Variants in ABTB3 observed in about 807,000 individuals in gnomAD.
The protein encoded by ABTB3 is ankyrin repeat- and BTB/POZ domain-containing protein 3.
chr12:107,552,112 G>A, the ABTB3 span, among the ~76,000 whole-genome samples: 2 of 152,138 alleles, frequency 1.3e-5, no homozygotes, highest in African/African-American at 4.8e-5. Flanking sequence ...AGTAGTTTTT[G>A]CCCCAGTTAT....
chr12:107,411,538 A>G, the ABTB3 span, among the ~76,000 whole-genome samples: 1 of 152,196 alleles, frequency 6.6e-6, no homozygotes, highest in Non-Finnish European at 1.5e-5. Context: ...AATAAATATT[A>G]GTGTCCCCCT....
At chr12:107,651,814 C>T in the ABTB3 span, 6 of 1,584,854 alleles carry the variant, frequency 3.8e-6, no homozygotes, top group African/African-American at 2.7e-5. Flanking sequence ...TCGCGCAGTG[C>T]GCACACAGGA....
chr12:107,469,249 G>A, the ABTB3 span, among the ~76,000 whole-genome samples: 1 of 152,170 alleles, frequency 6.6e-6, no homozygotes. Context: ...TGGGTGGTTG[G>A]CTCCCAAAAC....
At chr12:107,521,263 TTGTGTGTGTGTGTGTGTG>T in the ABTB3 span, among the ~76,000 whole-genome samples, 4 of 142,864 alleles carry the variant, frequency 2.8e-5, no homozygotes, top group Non-Finnish European at 6.1e-5. Context: ...TTCATATAAG[TTGTGTGTGTGTGTGTGTG>T]TGTGTGTGTG....
At chr12:107,599,547 C>T in the ABTB3 span, among the ~76,000 whole-genome samples, 2 of 152,188 alleles carry the variant, frequency 1.3e-5, no homozygotes. Flanking sequence ...GAAAGGCTGG[C>T]GACTTGGTCC....
chr12:107,412,778 T>G, the ABTB3 span, among the ~76,000 whole-genome samples: 9 of 151,888 alleles, frequency 5.9e-5, no homozygotes, highest in African/African-American at 2.2e-4. Context: ...ACTTCCAATT[T>G]GTTGCCCCTC....
the ABTB3 span, among the ~76,000 whole-genome samples, chr12:107,371,166 C>T: frequency 2.0e-5 from 3 of 152,096 alleles, no homozygotes; most frequent in East Asian, 1.9e-4. Context: ...GGCTTGATTC[C>T]GGCTTGAGTA....
chr12:107,352,837 G>A, the ABTB3 span, among the ~76,000 whole-genome samples: 1 of 152,184 alleles, frequency 6.6e-6, no homozygotes, highest in East Asian at 1.9e-4. Context: ...AGAATGAGTG[G>A]GTTTGAGTAC....
the ABTB3 span, among the ~76,000 whole-genome samples, chr12:107,515,782 GT>G: frequency 8.3e-4 from 126 of 152,230 alleles, no homozygotes; most frequent in African/African-American, 2.9e-3. Flanking sequence ...AAAGCTGAGG[GT>G]TCCTAAAGTA....
At chr12:107,357,143 C>T in the ABTB3 span, among the ~76,000 whole-genome samples, 5 of 152,178 alleles carry the variant, frequency 3.3e-5, no homozygotes, top group Admixed American at 2.6e-4. Context: ...AGACAGCCAG[C>T]ATATTATGGA....
chr12:107,495,316 C>T, the ABTB3 span, among the ~76,000 whole-genome samples: 513 of 152,330 alleles, frequency 3.4e-3, 2 homozygotes, highest in African/African-American at 0.012. Flanking sequence ...CTGGTGTTCC[C>T]GCGTTCGTGT....
the ABTB3 span, among the ~76,000 whole-genome samples, chr12:107,655,219 G>A: frequency 2.0e-5 from 3 of 151,732 alleles, no homozygotes; most frequent in African/African-American, 7.3e-5. Flanking sequence ...GGGAATACAG[G>A]CTTAGAACAC....
At chr12:107,639,710 T>C in the ABTB3 span, among the ~76,000 whole-genome samples, 4 of 152,190 alleles carry the variant, frequency 2.6e-5, no homozygotes, top group African/African-American at 9.7e-5. Flanking sequence ...CAAGTTCAAA[T>C]TGTAGCTTCT....
chr12:107,485,951 G>T, the ABTB3 span, among the ~76,000 whole-genome samples: 1 of 152,216 alleles, frequency 6.6e-6, no homozygotes, highest in Non-Finnish European at 1.5e-5. Flanking sequence ...TCTGAGTCTA[G>T]TGCAAGCAAA....
At chr12:107,321,415 G>C in the ABTB3 span, among the ~76,000 whole-genome samples, 3 of 152,260 alleles carry the variant, frequency 2.0e-5, no homozygotes, top group African/African-American at 4.8e-5. Flanking sequence ...TGCCGCCCTC[G>C]GTCCCTTCAC....
the ABTB3 span, chr12:107,642,237 C>A: frequency 1.4e-6 from 2 of 1,467,978 alleles, no homozygotes; most frequent in African/African-American, 1.4e-5. Flanking sequence ...TGCCTCAGAT[C>A]CTCAGCCTGA....
At chr12:107,651,021 T>G in the ABTB3 span, 1 of 146,054 alleles carries the variant, frequency 6.8e-6, no homozygotes, top group Non-Finnish European at 1.5e-5. Context: ...CCAGTCCCCG[T>G]TCCCAAAACC....
At chr12:107,552,487 T>C in the ABTB3 span, among the ~76,000 whole-genome samples, 2 of 152,192 alleles carry the variant, frequency 1.3e-5, no homozygotes, top group African/African-American at 4.8e-5. Flanking sequence ...ATACAACAGC[T>C]TTTGGTTGTT....
chr12:107,474,818 C>T, the ABTB3 span, among the ~76,000 whole-genome samples: 2 of 152,156 alleles, frequency 1.3e-5, no homozygotes, highest in Non-Finnish European at 2.9e-5. Context: ...ACTGGTCTAC[C>T]CACTCCCACT....
Sources: allele counts gnomAD v4.1 joint callset (sites outside exome capture counted in the v4.1 genomes callset), GRCh38; gene constraint gnomAD v4.1.1; transcripts MANE v1.5; gene names NCBI Gene and HGNC (gene_info 2026-07-23, HGNC 2026-07-21).